DOCK1: variants seen among roughly 807,000 people sequenced by gnomAD.
DOCK1 encodes the protein dedicator of cytokinesis 1, also known as dedicator of cytokinesis protein 1.
A neutral mutation model predicts 262.7 loss-of-function variants in DOCK1; 138 were observed. That is an observed-to-expected ratio of 0.53 (90% CI 0.46 to 0.61). DOCK1 has a LOEUF of 0.61. Ranked by LOEUF, DOCK1 falls within the 20% of genes least tolerant of loss-of-function variation. The pLI, the probability that DOCK1 is intolerant of heterozygous loss-of-function variation, is 0.00. For synonymous variants in DOCK1, 866 were observed against 867.4 expected (o/e 1.00, Z 0.03); for missense variants, 1,908 against 2,370.7 (o/e 0.80, Z 4.05).
chr10:126,975,226 A>G (rs1461207681), intron 2 of DOCK1, among the ~76,000 whole-genome samples: 2 of 151,890 alleles, frequency 1.3e-5, no homozygotes, highest in East Asian at 3.9e-4. Context: ...TTCATGTTTT[A>G]CTAACTGCCT....
At chr10:127,410,566 C>T (rs2067785403) in intron 42 of DOCK1, among the ~76,000 whole-genome samples, 1 of 152,240 alleles carries the variant, frequency 6.6e-6, no homozygotes, top group Non-Finnish European at 1.5e-5. Context: ...TCCTTCGCTT[C>T]ACCTTTCCTC....
At chr10:127,056,608 T>C (rs1418434809) in intron 22 of DOCK1, among the ~76,000 whole-genome samples, 1 of 152,112 alleles carries the variant, frequency 6.6e-6, no homozygotes, top group Non-Finnish European at 1.5e-5. Flanking sequence ...CCTTCCCTCC[T>C]TTTTTCTCTC....
At position 127,176,526 on chromosome 10, in the gene DOCK1, G is replaced by A. The variant is rs2055178884; in HGVS notation, c.2847+48762G>A. ...TAATTATATTTAAGCAGGTGAGGTC[G>A]GCCTTTATGTTAAGGAAAATCACAC... On this transcript the variant is annotated intron_variant, in intron 27 of 51. Coordinates refer to ENST00000623213, the MANE Select transcript of DOCK1 (RefSeq NM_001290223.2). This position sits in a 1 kb window ranked among gnomAD's most constrained non-coding sequence, Gnocchi z 4.4. The A allele has an allele frequency of 6.5e-6, 5 of 766,768 alleles. No individual in the cohort carries two copies. Among genetic ancestry groups the A allele is most frequent in the Non-Finnish European group, 1.0e-5 (5 of 485,200 alleles). 47.5% of individuals were successfully genotyped at this position (766,768 alleles called of 1,614,324 possible).
At chr10:126,977,776 T>C (rs921433992) in intron 2 of DOCK1, among the ~76,000 whole-genome samples, 172 bp from the exon 3 acceptor site, 1 of 152,128 alleles carries the variant, frequency 6.6e-6, no homozygotes, top group African/African-American at 2.4e-5. Context: ...GTTGAAATGC[T>C]CTCTGGGAAA....
chr10:127,174,995 G>T (rs1046422648), intron 27 of DOCK1, among the ~76,000 whole-genome samples: 2 of 152,208 alleles, frequency 1.3e-5, no homozygotes, highest in Non-Finnish European at 2.9e-5. Context: ...AGGCCAGAAA[G>T]ATGAACATTA....
chr10:127,255,965 G>A (rs149367309), intron 28 of DOCK1, among the ~76,000 whole-genome samples: 2 of 152,310 alleles, frequency 1.3e-5, no homozygotes, highest in East Asian at 1.9e-4. Flanking sequence ...TTGTTGTGTC[G>A]GAAGGGAGGA....
intron 27 of DOCK1, among the ~76,000 whole-genome samples, chr10:127,225,153 G>A (rs2058589378): frequency 6.6e-6 from 1 of 152,194 alleles, no homozygotes; most frequent in African/African-American, 2.4e-5. Flanking sequence ...AATATAGAAA[G>A]TAATTTATGA....
At chr10:127,386,008 T>C (rs573873788) in intron 38 of DOCK1, among the ~76,000 whole-genome samples, 19 of 152,286 alleles carry the variant, frequency 1.2e-4, no homozygotes, top group African/African-American at 4.6e-4. Context: ...GGACTTTAAA[T>C]ATTTCTGGGG....
In DOCK1 at chr10:126,978,504, C is replaced by T. The variant is rs568008561; in HGVS notation, c.171+516C>T. Reference sequence around the variant, plus strand: ...GTTGTTTGAATTTCTGAAACTAAGACATGTAATTACACCTCGGATCATTGT... The same window carrying T: ...GTTGTTTGAATTTCTGAAACTAAGATATGTAATTACACCTCGGATCATTGT... On this transcript the variant is annotated intron_variant, in intron 3 of 51. Coordinates refer to ENST00000623213, the MANE Select transcript of DOCK1 (RefSeq NM_001290223.2). Among the ~76,000 whole-genome samples the T allele has an allele frequency of 2.2e-4, 33 of 152,288 alleles. No individual in the cohort carries two copies. In the South Asian group the frequency reaches 6.4e-3, roughly 30 times the overall value.
At chr10:127,399,415 T>C (rs564180715) in intron 38 of DOCK1, among the ~76,000 whole-genome samples, 1 of 152,278 alleles carries the variant, frequency 6.6e-6, no homozygotes, top group African/African-American at 2.4e-5. Context: ...CACACTCTCT[T>C]TAAAGCCCCA....
intron 50 of DOCK1, among the ~76,000 whole-genome samples, chr10:127,445,708 T>G (rs2070494739): frequency 6.6e-6 from 1 of 152,198 alleles, no homozygotes; most frequent in African/African-American, 2.4e-5. Context: ...ATACTTAATA[T>G]TCATAGCAGT....
chr10:127,368,152 G>C (rs542422725), intron 33 of DOCK1, among the ~76,000 whole-genome samples: 65 of 152,310 alleles, frequency 4.3e-4, no homozygotes, highest in Non-Finnish European at 8.2e-4. Context: ...GAGACCTTCC[G>C]TCTGGAGGCC....
chr10:127,076,315 C>G (rs955824952), intron 23 of DOCK1, among the ~76,000 whole-genome samples: 1 of 152,160 alleles, frequency 6.6e-6, no homozygotes, highest in East Asian at 1.9e-4. Context: ...TCCTGGCTAA[C>G]ACGGTGAAAC....
intron 2 of DOCK1, among the ~76,000 whole-genome samples, chr10:126,973,998 T>G (rs2038312599): frequency 6.6e-6 from 1 of 152,212 alleles, no homozygotes; most frequent in Admixed American, 6.5e-5. Flanking sequence ...AAGTTGTGGT[T>G]AATTTCTCTT....
At chr10:127,340,869 T>C (rs2063396742) in intron 30 of DOCK1, among the ~76,000 whole-genome samples, 1 of 152,226 alleles carries the variant, frequency 6.6e-6, no homozygotes, top group South Asian at 2.1e-4. Context: ...ACATTCGTAT[T>C]TGGCTGTCTT....
At chr10:127,011,680 A>G (rs971169806) in intron 11 of DOCK1, among the ~76,000 whole-genome samples, 1 of 151,906 alleles carries the variant, frequency 6.6e-6, no homozygotes, top group African/African-American at 2.4e-5. Flanking sequence ...GGTGTTCTCC[A>G]CACACGGTAC....
chr10:127,117,127 GT>G (rs558688012), intron 25 of DOCK1, among the ~76,000 whole-genome samples: 6 of 152,140 alleles, frequency 3.9e-5, no homozygotes, highest in East Asian at 1.9e-4. Flanking sequence ...TCAATTTCAG[GT>G]TTTTAATTGT....
intron 1 of DOCK1, among the ~76,000 whole-genome samples, chr10:126,925,721 AGTCTGT>A (rs746055364): frequency 5.1e-4 from 62 of 122,364 alleles, no homozygotes; most frequent in Admixed American, 2.4e-3. Context: ...CACATTGCAG[AGTCTGT>A]GTGTGTGTGT....
chr10:127,304,398 A>G (rs779496107), intron 29 of DOCK1, among the ~76,000 whole-genome samples: 1 of 152,182 alleles, frequency 6.6e-6, no homozygotes, highest in Non-Finnish European at 1.5e-5. Flanking sequence ...TTGTATTTTC[A>G]CTAACCTTAC....
Sources: allele counts gnomAD v4.1 joint callset (sites outside exome capture counted in the v4.1 genomes callset), GRCh38; gene constraint gnomAD v4.1.1; non-coding constraint Gnocchi (gnomAD v3.1); transcripts MANE v1.5; gene names NCBI Gene and HGNC (gene_info 2026-07-23, HGNC 2026-07-21).